The following ZNF532 variants were observed in gnomAD, a reference collection of about 807,000 sequenced individuals.
The protein encoded by ZNF532 is zinc finger protein 532.
ZNF532 carries 22 observed loss-of-function variants against 89.3 expected under a neutral mutation model. The ratio of observed to expected loss-of-function variants is 0.25; its 90% CI spans 0.18 to 0.35. The LOEUF (loss-of-function observed/expected upper bound fraction) is 0.35. ZNF532 is among the 10% of genes least tolerant of loss of function. The pLI is 1.00. For missense variants in ZNF532, 1,132 were observed against 1,643.4 expected (o/e 0.69, Z 5.38); for synonymous variants, 606 against 649.6 (o/e 0.93, Z 1.02).
Position 58,919,763 on chromosome 18 carries a change from C to T in ZNF532, c.1476C>T (p.Ala492=), listed in dbSNP as rs749642018. 4.3e-6 allele frequency: 7 copies of T among 1,614,160 alleles called. No homozygotes were observed. In the East Asian group the frequency reaches 1.6e-4, roughly 36 times the overall value. The part of the protein sequence containing the change: ...SAASVQSASS[A]IIKAANAIQQ... ...CCTCTGTCCAGAGTGCCAGCAGCGC[C>T]ATCATTAAAGCTGCCAACGCCATCC... The change falls in exon 3 of 10, where the codon GCC becomes GCT. Residue 492 remains alanine, a synonymous_variant. Coordinates refer to ENST00000591808, the MANE Select transcript of ZNF532 (RefSeq NM_001375912.1). This position sits in a 1 kb window ranked among gnomAD's most constrained non-coding sequence, Gnocchi z 6.1.
intron 3 of ZNF532, among the ~76,000 whole-genome samples, chr18:58,924,420 T>G (rs1229020357): frequency 6.6e-6 from 1 of 152,212 alleles, no homozygotes; most frequent in African/African-American, 2.4e-5. Flanking sequence ...TGAACCAACC[T>G]TGCTGCCACT....
Position 58,919,776 on chromosome 18 carries a change from G to C in ZNF532, c.1489G>C (p.Ala497Pro). The change falls in exon 3 of 10, where the codon GCC becomes CCC. Residue 497 changes from alanine (A) to proline (P), a missense_variant. This residue lies in a region of ZNF532 where 97 missense variants were observed against 143.7 expected (regional missense o/e 0.68). Transcript: ENST00000591808. The surrounding 1 kb of genome is among the most constrained non-coding windows in gnomAD (Gnocchi z 6.1). ...TGCCAGCAGCGCCATCATTAAAGCT[G>C]CCAACGCCATCCAGCAGCAAACTGT... is the stretch of plus-strand genomic sequence containing the variant. The part of the protein sequence containing the change: ...QSASSAIIKA[A>P]NAIQQQTVVV... The C allele has an allele frequency of 6.2e-7, 1 of 1,614,096 alleles. No individual in the cohort carries two copies. The highest frequency in any genetic ancestry group is 1.3e-5 in the African/African-American group (1 of 75,052).
At chr18:58,926,747 C>G (rs1384228611) in intron 3 of ZNF532, among the ~76,000 whole-genome samples, 2 of 152,126 alleles carry the variant, frequency 1.3e-5, no homozygotes, top group South Asian at 4.1e-4. Context: ...ACGTTCATCA[C>G]TAATAATTTT....
At chr18:58,979,950 A>G (rs1224789465) in intron 8 of ZNF532, 1 of 152,224 alleles carries the variant, frequency 6.6e-6, no homozygotes, top group Admixed American at 6.5e-5. Flanking sequence ...ATACGTGAAC[A>G]CCAGAACGTA....
At chr18:58,941,470 T>TC (rs2063019202) in intron 5 of ZNF532, among the ~76,000 whole-genome samples, 4 of 141,306 alleles carry the variant, frequency 2.8e-5, no homozygotes, top group African/African-American at 1.1e-4. Context: ...CTCTCTCTCT[T>TC]TTTTTTTTTT....
At chr18:58,936,267 C>T (rs961615925) in intron 4 of ZNF532, among the ~76,000 whole-genome samples, 5 of 152,224 alleles carry the variant, frequency 3.3e-5, no homozygotes, top group African/African-American at 9.6e-5. Flanking sequence ...CTGCAAAGTC[C>T]ATGCAGAATA....
rs1363191542 is a variant in ZNF532 at position 58,918,979 on chromosome 18, C to T, written c.692C>T (p.Ser231Phe). ...GCAGAGGATAAATTGAAGGAAAGCT[C>T]TGACAAGGTGCTGGAAAACAGAGTC... ...RKAEDKLKESSDKVLENRVLD... is the reference protein window; with the variant it reads ...RKAEDKLKESFDKVLENRVLD... The change falls in exon 3 of 10, where the codon TCT becomes TTT. Residue 231 changes from serine (S) to phenylalanine (F), a missense_variant. Coordinates refer to ENST00000591808, the MANE Select transcript of ZNF532 (RefSeq NM_001375912.1). 6.2e-7 allele frequency: 1 copy of T among 1,613,556 alleles called. No homozygotes were observed. Among genetic ancestry groups the T allele is most frequent in the Non-Finnish European group, 8.5e-7 (1 of 1,180,044 alleles).
intron 2 of ZNF532, among the ~76,000 whole-genome samples, chr18:58,888,026 A>G (rs1437100859): frequency 6.6e-6 from 1 of 152,248 alleles, no homozygotes; most frequent in Non-Finnish European, 1.5e-5. Flanking sequence ...TAGTTCTCAG[A>G]AAATGGAAGG....
intron 2 of ZNF532, among the ~76,000 whole-genome samples, chr18:58,877,471 A>G (rs148725731): frequency 1.2e-4 from 19 of 152,358 alleles, no homozygotes; most frequent in African/African-American, 4.1e-4. Context: ...CATTGATTAA[A>G]TCAGCTATAG....
At chr18:58,907,837 T>G (rs1354965612) in intron 2 of ZNF532, among the ~76,000 whole-genome samples, 1 of 152,182 alleles carries the variant, frequency 6.6e-6, no homozygotes, top group Non-Finnish European at 1.5e-5. Context: ...CCACAAGACT[T>G]CTAGCACCAG....
chr18:58,914,329 A>G (rs1380304386), intron 2 of ZNF532, among the ~76,000 whole-genome samples: 1 of 152,250 alleles, frequency 6.6e-6, no homozygotes, highest in Non-Finnish European at 1.5e-5. Context: ...AACATTATAC[A>G]TTAAGCACAA....
intron 3 of ZNF532, 23 bp downstream of exon 3, chr18:58,920,656 G>A (rs2060966350): frequency 1.9e-6 from 3 of 1,543,014 alleles, no homozygotes; most frequent in Non-Finnish European, 2.6e-6. Context: ...TTAAATTTTT[G>A]TGTTTCAGTG....
At chr18:58,948,014 C>G (rs1036429417) in intron 5 of ZNF532, 53 bp from the exon 6 acceptor site, 1 of 1,540,348 alleles carries the variant, frequency 6.5e-7, no homozygotes. Flanking sequence ...GTAGCAGATC[C>G]TTTGACTTAA....
In ZNF532 at chr18:58,888,877, T is replaced by TAAAAA. The variant is rs2058660911; in HGVS notation, c.-18+23299_-18+23300insAAAAA. Among the ~76,000 whole-genome samples the TAAAAA allele has an allele frequency of 5.5e-5, 2 of 36,084 alleles. 1 individual carries two copies. Among genetic ancestry groups the TAAAAA allele is most frequent in the East Asian group, 3.2e-3 (2 of 632 alleles). 23.7% of individuals were successfully genotyped at this position (36,084 alleles called of 152,430 possible). ...TAATTTATATATATATAATATATAT[T>TAAAAA]ATATATATATATTTTATATATATAT... On this transcript the variant is annotated intron_variant, in intron 2 of 9. Transcript: ENST00000591808.
intron 2 of ZNF532, among the ~76,000 whole-genome samples, chr18:58,900,921 A>G (rs369053771): frequency 6.6e-6 from 1 of 151,680 alleles, no homozygotes; most frequent in African/African-American, 2.4e-5. Context: ...TCCTGTCTCT[A>G]TTTGCCTATT....
At position 58,954,936 on chromosome 18, in the gene ZNF532, A is replaced by C. The variant is rs568481109; in HGVS notation, c.3150+1137A>C. Among the ~76,000 whole-genome samples the C allele has an allele frequency of 6.6e-5, 10 of 152,230 alleles. No individual in the cohort carries two copies. In the East Asian group the frequency reaches 1.7e-3, roughly 26 times the overall value. On this transcript the variant is annotated intron_variant, in intron 7 of 9. Coordinates refer to ENST00000591808, the MANE Select transcript of ZNF532 (RefSeq NM_001375912.1). ...TACCAGGTTGGCCAGGCTGGTCTCG[A>C]ACTCCTGGCCTCAGGCAGTCCACCC... is the stretch of plus-strand genomic sequence containing the variant.
intron 2 of ZNF532, among the ~76,000 whole-genome samples, chr18:58,897,668 A>T (rs1377960687): frequency 2.0e-5 from 3 of 152,158 alleles, no homozygotes; most frequent in Non-Finnish European, 4.4e-5. Flanking sequence ...TAAAGTTAAG[A>T]TTGGCTGGGC....
At chr18:58,873,643 G>T (rs1398297554) in intron 2 of ZNF532, among the ~76,000 whole-genome samples, 3 of 151,912 alleles carry the variant, frequency 2.0e-5, no homozygotes, top group Non-Finnish European at 4.4e-5. Flanking sequence ...TAGTAGAGAC[G>T]GGGTAACACC....
At chr18:58,941,465 TCTC>T (rs1209458512) in intron 5 of ZNF532, among the ~76,000 whole-genome samples, 40 of 120,306 alleles carry the variant, frequency 3.3e-4, no homozygotes, top group South Asian at 1.3e-3. Context: ...TTTCTCTCTC[TCTC>T]TTTTTTTTTT....
Sources: allele counts gnomAD v4.1 joint callset (sites outside exome capture counted in the v4.1 genomes callset), GRCh38; gene constraint gnomAD v4.1.1; regional missense constraint gnomAD v4.1.1; non-coding constraint Gnocchi (gnomAD v3.1); transcripts MANE v1.5; gene names NCBI Gene and HGNC (gene_info 2026-07-23, HGNC 2026-07-21).